Variants in GULP1 observed in about 807,000 individuals in gnomAD.
GULP1 encodes GULP PTB domain containing engulfment adaptor 1.
GULP1 carries 19 observed loss-of-function variants against 40.9 expected under a neutral mutation model. The ratio of observed to expected loss-of-function variants is 0.46; its 90% CI spans 0.32 to 0.68. The LOEUF (loss-of-function observed/expected upper bound fraction) is 0.68. Ranked by LOEUF, GULP1 falls within the 30% of genes least tolerant of loss-of-function variation. The pLI is 0.03. For missense variants in GULP1, 312 were observed against 362.2 expected (o/e 0.86, Z 1.12); for synonymous variants, 119 against 117.6 (o/e 1.01, Z -0.08).
intron 4 of GULP1, among the ~76,000 whole-genome samples, chr2:188,507,871 A>G (rs895829190): frequency 2.0e-5 from 3 of 151,976 alleles, no homozygotes; most frequent in African/African-American, 7.2e-5. Flanking sequence ...GAAAATACCA[A>G]GCTTAAATAT....
Position 188,569,348 on chromosome 2 carries a change from A to G in GULP1, c.509A>G (p.Gln170Arg), listed in dbSNP as rs199688027. The G allele has an allele frequency of 3.4e-6, 5 of 1,457,902 alleles. No homozygotes were observed. In the Admixed American group the frequency reaches 8.4e-5, roughly 24 times the overall value. The allele number at this position is 1,457,902 out of a possible 1,614,324, so 90.3% of individuals were successfully genotyped here. Residue 170 changes from glutamine to arginine, a missense_variant, in exon 8 of 12, where the codon CAA becomes CGA. Transcript: ENST00000409830. ...VETRKQIAGL[Q>R]KRIQDLETEN... ...ACAAGAAAACAGATCGCAGGGTTAC[A>G]AAAAAGAGTGAGTAAACTAAGCTTG...
intron 9 of GULP1, among the ~76,000 whole-genome samples, chr2:188,570,931 G>A (rs958409011): frequency 1.3e-5 from 2 of 152,098 alleles, no homozygotes; most frequent in African/African-American, 4.8e-5. Flanking sequence ...GCCAAGGCAG[G>A]CAGATCATTT....
At chr2:188,474,403 A>G (rs189709437) in intron 2 of GULP1, among the ~76,000 whole-genome samples, 33 of 152,260 alleles carry the variant, frequency 2.2e-4, no homozygotes, top group African/African-American at 7.5e-4. Context: ...TGTGGTAACT[A>G]AAGTTTCGAC....
chr2:188,454,359 G>A (rs915646822), intron 2 of GULP1, among the ~76,000 whole-genome samples: 1 of 152,130 alleles, frequency 6.6e-6, no homozygotes, highest in Non-Finnish European at 1.5e-5. Flanking sequence ...TAGTTTGTGA[G>A]TATGCAAAAA....
intron 2 of GULP1, among the ~76,000 whole-genome samples, chr2:188,419,194 T>C (rs2055015071): frequency 6.6e-6 from 1 of 152,242 alleles, no homozygotes; most frequent in African/African-American, 2.4e-5. Flanking sequence ...GAGATCCTGA[T>C]TTCAATTATT....
intron 4 of GULP1, among the ~76,000 whole-genome samples, chr2:188,486,023 A>C (rs779017818): frequency 1.4e-4 from 22 of 152,054 alleles, no homozygotes; most frequent in Non-Finnish European, 2.8e-4. Context: ...TAACTTAGCC[A>C]AGTTGACACA....
chr2:188,324,947 C>T (rs949628353), intron 1 of GULP1, among the ~76,000 whole-genome samples: 1 of 151,924 alleles, frequency 6.6e-6, no homozygotes, highest in South Asian at 2.1e-4. Flanking sequence ...TATTAGAAAA[C>T]AACTGTCAAC....
chr2:188,499,878 T>C (rs1184525853), intron 4 of GULP1, among the ~76,000 whole-genome samples: 1 of 151,828 alleles, frequency 6.6e-6, no homozygotes, highest in Admixed American at 6.6e-5. Context: ...TTGAAGTATA[T>C]ATGAAAGAGA....
intron 2 of GULP1, among the ~76,000 whole-genome samples, chr2:188,384,546 C>A (rs2049418433): frequency 6.6e-6 from 1 of 152,288 alleles, no homozygotes; most frequent in South Asian, 2.1e-4. Flanking sequence ...CATGTCCTCA[C>A]ATTTCAAAAC....
chr2:188,501,556 A>G (rs530262339), intron 4 of GULP1, among the ~76,000 whole-genome samples: 76 of 152,092 alleles, frequency 5.0e-4, no homozygotes, highest in African/African-American at 1.8e-3. Context: ...ATTTTAGAGT[A>G]TGAGCTTCTA....
chr2:188,505,606 A>G (rs1163032231), intron 4 of GULP1, among the ~76,000 whole-genome samples: 2 of 151,802 alleles, frequency 1.3e-5, no homozygotes, highest in Admixed American at 6.6e-5. Context: ...TTCTCAACCA[A>G]ATAGACACAG....
At chr2:188,366,880 A>G (rs552764886) in intron 1 of GULP1, among the ~76,000 whole-genome samples, 56 of 152,230 alleles carry the variant, frequency 3.7e-4, no homozygotes, top group African/African-American at 1.3e-3. Context: ...GGCGTGAGCC[A>G]CCTTGCCTGG....
chr2:188,451,527 A>T (rs2058831487), intron 2 of GULP1, among the ~76,000 whole-genome samples: 1 of 152,232 alleles, frequency 6.6e-6, no homozygotes, highest in Non-Finnish European at 1.5e-5. Context: ...TTATTCTATT[A>T]AATGAGTTAA....
chr2:188,429,757 G>A (rs2056643708), intron 2 of GULP1, among the ~76,000 whole-genome samples: 1 of 151,894 alleles, frequency 6.6e-6, no homozygotes, highest in African/African-American at 2.4e-5. Flanking sequence ...TGCCCAGGCT[G>A]GAGTGCAGTG....
chr2:188,588,360 C>G (rs897912530), intron 11 of GULP1: 2 of 179,298 alleles, frequency 1.1e-5, no homozygotes, highest in African/African-American at 4.8e-5. Context: ...ATTATTCTCT[C>G]TGAAAAGAAG....
At chr2:188,452,676 C>G (rs1394375146) in intron 2 of GULP1, among the ~76,000 whole-genome samples, 2 of 152,140 alleles carry the variant, frequency 1.3e-5, no homozygotes, top group African/African-American at 2.4e-5. Context: ...GTGCTCCTAC[C>G]TACTTGGGAA....
chr2:188,559,091 A>G (rs1425123585), intron 7 of GULP1, among the ~76,000 whole-genome samples: 1 of 152,180 alleles, frequency 6.6e-6, no homozygotes, highest in Admixed American at 6.5e-5. Context: ...CCCCAAGACA[A>G]TGGGGAAAAT....
intron 1 of GULP1, among the ~76,000 whole-genome samples, chr2:188,321,141 A>G (rs1263500228): frequency 1.3e-5 from 2 of 152,120 alleles, no homozygotes; most frequent in African/African-American, 4.8e-5. Context: ...CATGTGGTTA[A>G]ATCACTTCCT....
At chr2:188,332,630 G>A (rs2041760840) in intron 1 of GULP1, among the ~76,000 whole-genome samples, 1 of 152,122 alleles carries the variant, frequency 6.6e-6, no homozygotes, top group Admixed American at 6.5e-5. Context: ...CTATGCCTGG[G>A]AAGCTCTGGG....
Sources: allele counts gnomAD v4.1 joint callset (sites outside exome capture counted in the v4.1 genomes callset), GRCh38; gene constraint gnomAD v4.1.1; transcripts MANE v1.5; gene names NCBI Gene and HGNC (gene_info 2026-07-23, HGNC 2026-07-21).